APAF1: variants seen among roughly 807,000 people sequenced by gnomAD.
APAF1 encodes apoptotic peptidase activating factor 1.
Under a neutral mutation model 152.4 loss-of-function variants are expected in APAF1, and 91 were observed. The ratio of observed to expected loss-of-function variants is 0.60; its 90% CI spans 0.50 to 0.71. APAF1 has a LOEUF of 0.71. Among genes scored for constraint, APAF1 ranks in the 30% least tolerant of loss-of-function variants. The probability of loss-of-function intolerance (pLI) is 0.00; values close to 1 mark genes in which losing one functional copy is unlikely to be tolerated. For missense variants in APAF1, 1,283 were observed against 1,472.0 expected (o/e 0.87, Z 2.10); for synonymous variants, 484 against 494.1 (o/e 0.98, Z 0.27).
chr12:98,662,337 CTATT>C, intron 5 of APAF1, 115 bp from the exon 6 acceptor site: 2 of 717,416 alleles, frequency 2.8e-6, no homozygotes, highest in Non-Finnish European at 4.8e-6. Flanking sequence ...ATCTAGCCAT[CTATT>C]TGTTTTAAAA....
chr12:98,719,892 T>C (rs2097740100), intron 22 of APAF1, among the ~76,000 whole-genome samples: 1 of 152,190 alleles, frequency 6.6e-6, no homozygotes, highest in South Asian at 2.1e-4. Context: ...TTAATTGTAT[T>C]GTTAAAAACC....
chr12:98,666,767 G>T (rs556833576), intron 9 of APAF1, among the ~76,000 whole-genome samples: 1 of 152,072 alleles, frequency 6.6e-6, no homozygotes, highest in African/African-American at 2.4e-5. Context: ...TTCCTGACTA[G>T]ATTGAAGTTA....
intron 5 of APAF1, among the ~76,000 whole-genome samples, chr12:98,659,936 T>A (rs2097662916): frequency 6.6e-6 from 1 of 152,188 alleles, no homozygotes; most frequent in Non-Finnish European, 1.5e-5. Context: ...GGAAATGTCT[T>A]AAGTAGGTGA....
chr12:98,724,676 C>T (rs895744670), intron 24 of APAF1, among the ~76,000 whole-genome samples: 1 of 152,204 alleles, frequency 6.6e-6, no homozygotes, highest in Admixed American at 6.5e-5. Flanking sequence ...GTTTCTATTA[C>T]ATTTTATTCA....
chr12:98,713,243 CT>C (rs1338273191), intron 21 of APAF1, among the ~76,000 whole-genome samples: 1 of 152,140 alleles, frequency 6.6e-6, no homozygotes, highest in Non-Finnish European at 1.5e-5. Flanking sequence ...GTTTCTCATG[CT>C]TTTTGTCTTT....
In APAF1 at chr12:98,732,429, G is replaced by A. The variant is rs1007216250; in HGVS notation, c.3610G>A (p.Val1204Ile). 9.3e-6 allele frequency: 15 copies of A among 1,613,344 alleles called. No homozygotes were observed. The highest frequency in any genetic ancestry group is 4.4e-5 in the South Asian group (4 of 91,062). The change falls in exon 27 of 27, where the codon GTT becomes ATT. Residue 1204 changes from valine to isoleucine, a missense_variant. Coordinates refer to ENST00000551964, the MANE Select transcript of APAF1 (RefSeq NM_181861.2). Reference protein sequence around the residue: ...SAGGYIKWWNVVTGESSQTFY... With the variant: ...SAGGYIKWWNIVTGESSQTFY... ...ATTTTTCTCTGAACAGTGGTGGAAC[G>A]TTGTCACTGGGGAATCCTCACAGAC...
chr12:98,648,659 A>G lies in APAF1; in HGVS notation c.172A>G (p.Lys58Glu), dbSNP rs915308331. ...TQQQRAAMLI[K>E]MILKKDNDSY... is the part of the protein sequence containing the mutation. ...ACAGCAAAGAGCAGCTATGCTGATTAAAATGATACTTAAAAAAGATAATGA... is the reference window on the plus strand; with the variant it reads ...ACAGCAAAGAGCAGCTATGCTGATTGAAATGATACTTAAAAAAGATAATGA... Residue 58 changes from lysine (K) to glutamate (E), a missense_variant, in exon 3 of 27, where the codon AAA becomes GAA. Coordinates refer to ENST00000551964, the MANE Select transcript of APAF1 (RefSeq NM_181861.2). 3 of 1,613,778 alleles carry G rather than the reference A, an allele frequency of 1.9e-6. No homozygotes were observed. The highest frequency in any genetic ancestry group is 2.7e-5 in the African/African-American group (2 of 74,954).
intron 22 of APAF1, among the ~76,000 whole-genome samples, chr12:98,722,143 T>G (rs1232929261): frequency 2.0e-5 from 3 of 152,248 alleles, no homozygotes; most frequent in Non-Finnish European, 2.9e-5. Flanking sequence ...GCTCCTATAC[T>G]TTAACTCCAA....
chr12:98,701,215 T>G (rs971162351), intron 17 of APAF1, among the ~76,000 whole-genome samples: 1 of 151,270 alleles, frequency 6.6e-6, no homozygotes, highest in Non-Finnish European at 1.5e-5. Context: ...GAAAAGGAAT[T>G]GGACTATCAT....
rs1193881262 is a variant in APAF1 at position 98,734,909 on chromosome 12, A to C, written c.*2343A>C. The C allele has an allele frequency of 1.2e-5, 4 of 331,904 alleles. No individual in the cohort carries two copies. The highest frequency in any genetic ancestry group is 2.2e-5 in the Non-Finnish European group (4 of 185,556). 20.6% of individuals were successfully genotyped at this position (331,904 alleles called of 1,614,324 possible). On this transcript the variant is annotated 3_prime_UTR_variant, in exon 27 of 27. Transcript: ENST00000551964. ...GCCACTGACTGTTATAAAGTATAAC[A>C]ACACACATCAGGTTTTAAAAAGCCT...
intron 5 of APAF1, among the ~76,000 whole-genome samples, chr12:98,661,338 AAAT>A (rs1314344719): frequency 6.6e-6 from 1 of 152,172 alleles, no homozygotes; most frequent in Non-Finnish European, 1.5e-5. Context: ...CTGTTGAGTA[AAAT>A]AATGTAGCCA....
At chr12:98,698,451 G>A (rs1427587966) in intron 16 of APAF1, among the ~76,000 whole-genome samples, 2 of 152,132 alleles carry the variant, frequency 1.3e-5, no homozygotes, top group African/African-American at 4.8e-5. Flanking sequence ...TTTCTCTTTA[G>A]TATCAGGGAA....
intron 22 of APAF1, among the ~76,000 whole-genome samples, chr12:98,720,643 A>T (rs1185353983): frequency 6.6e-6 from 1 of 152,240 alleles, no homozygotes; most frequent in Non-Finnish European, 1.5e-5. Flanking sequence ...ATGAGCCAGT[A>T]TATAGGACTA....
chr12:98,647,755 G>A (rs961287825), intron 1 of APAF1, among the ~76,000 whole-genome samples: 9 of 129,658 alleles, frequency 6.9e-5, no homozygotes, highest in African/African-American at 2.3e-4. Flanking sequence ...ATCTTTCCAT[G>A]TCAATACATG....
chr12:98,694,703 T>C (rs57738133), intron 16 of APAF1, among the ~76,000 whole-genome samples: 1 of 152,096 alleles, frequency 6.6e-6, no homozygotes, highest in South Asian at 2.1e-4. Context: ...GTAATAGATA[T>C]TTTTCTATTT....
At chr12:98,731,763 T>G (rs1262967554) in intron 26 of APAF1, among the ~76,000 whole-genome samples, 3 of 152,210 alleles carry the variant, frequency 2.0e-5, no homozygotes, top group Admixed American at 2.0e-4. Flanking sequence ...ATGGGTAAAC[T>G]TTATGATTCC....
At chr12:98,682,357 G>A (rs1024224918) in intron 14 of APAF1, among the ~76,000 whole-genome samples, 3 of 152,126 alleles carry the variant, frequency 2.0e-5, no homozygotes, top group Non-Finnish European at 4.4e-5. Flanking sequence ...CCGGCCTGAT[G>A]ATTACTTTTT....
In APAF1 at chr12:98,703,376, T is replaced by G. The variant is rs1446559673; in HGVS notation, c.2472T>G (p.Phe824Leu). The change falls in exon 18 of 27, where the codon TTT (phenylalanine) becomes TTG (leucine). Residue 824 changes from phenylalanine to leucine, a missense_variant. Transcript: ENST00000551964. ...ATCTCTATTTATGTTGACAGCTTTT[T>G]GACATTCATACTAGTGGCCTATTGG... Reference protein sequence around the residue: ...MVAAKNKIFLFDIHTSGLLGE... With the variant: ...MVAAKNKIFLLDIHTSGLLGE... 6.2e-7 allele frequency: 1 copy of G among 1,614,034 alleles called. No homozygotes were observed. The highest frequency in any genetic ancestry group is 1.3e-5 in the African/African-American group (1 of 74,942).
At chr12:98,653,691 A>AATATATATAAATATAT (rs2097652380) in intron 4 of APAF1, among the ~76,000 whole-genome samples, 1 of 15,090 alleles carries the variant, frequency 6.6e-5, no homozygotes, top group Non-Finnish European at 1.3e-4. Context: ...AAAAAAAAAA[A>AATATATATAAATATAT]ATATATATAT....
Sources: gnomAD v4.1 joint callset for allele counts (sites outside exome capture counted in the v4.1 genomes callset) on GRCh38, gnomAD v4.1.1 for gene constraint, MANE v1.5 for transcripts, NCBI Gene and HGNC (gene_info 2026-07-23, HGNC 2026-07-21) for gene names.